IQSEC1: variants seen among roughly 807,000 people sequenced by gnomAD.
IQSEC1 encodes IQ motif and SEC7 domain-containing protein 1.
Under a neutral mutation model 91.0 loss-of-function variants are expected in IQSEC1, and 31 were observed. The ratio of observed to expected loss-of-function variants is 0.34; its 90% confidence interval spans 0.26 to 0.46. The LOEUF is 0.46. Ranked by LOEUF, IQSEC1 falls within the 20% of genes least tolerant of loss-of-function variation. IQSEC1 has a pLI of 1.00. For missense variants in IQSEC1, 1,388 were observed against 1,575.6 expected (o/e 0.88, Z 2.02); for synonymous variants, 699 against 662.6 (o/e 1.05, Z -0.84).
Position 12,901,649 on chromosome 3 carries a change from G to C in IQSEC1, c.2806-127C>G, listed in dbSNP as rs1694322015. 24 of 805,410 alleles carry C rather than the reference G, an allele frequency of 3.0e-5. 1 individual carries two copies. The South Asian group carries it at 3.7e-4, about 12-fold the overall frequency. The allele number at this position is 805,410 out of a possible 1,614,324, so 49.9% of individuals were successfully genotyped here. ...AAGCTTTAGTTCAACTCACTGGCCAGAGGGTGGGGCTCAGTGAGGCTGGAC... is the reference window on the plus strand; with the variant it reads ...AAGCTTTAGTTCAACTCACTGGCCACAGGGTGGGGCTCAGTGAGGCTGGAC... On this transcript the variant is annotated intron_variant, in intron 13 of 13. Coordinates refer to ENST00000613206, the MANE Select transcript of IQSEC1 (RefSeq NM_001134382.3).
intron 9 of IQSEC1, among the ~76,000 whole-genome samples, chr3:12,912,914 C>A (rs1695709051): frequency 6.6e-6 from 1 of 152,182 alleles, no homozygotes; most frequent in Non-Finnish European, 1.5e-5. Context: ...CAGCTCAGGG[C>A]TCCAGGAGGT....
chr3:13,054,682 G>C (rs1024788423), intron 1 of IQSEC1, among the ~76,000 whole-genome samples: 17 of 152,212 alleles, frequency 1.1e-4, no homozygotes, highest in African/African-American at 4.1e-4. Context: ...CTGAGGCGCA[G>C]AGAAGTGAAG....
intron 2 of IQSEC1, among the ~76,000 whole-genome samples, chr3:13,117,362 G>T (rs144206174): frequency 6.6e-6 from 1 of 150,568 alleles, no homozygotes; most frequent in Admixed American, 6.6e-5. Flanking sequence ...GGAGGCGGGC[G>T]GATCACGAGG....
chr3:13,101,106 G>A (rs1706050011), intron 2 of IQSEC1, among the ~76,000 whole-genome samples: 1 of 152,206 alleles, frequency 6.6e-6, no homozygotes, highest in Non-Finnish European at 1.5e-5. Flanking sequence ...TGAGGGGAGT[G>A]TGGATTTTCT....
At chr3:12,951,871 G>A (rs1022807640) in intron 1 of IQSEC1, among the ~76,000 whole-genome samples, 3 of 152,182 alleles carry the variant, frequency 2.0e-5, no homozygotes, top group African/African-American at 7.2e-5. Flanking sequence ...AGGAGCACAC[G>A]TAATGGGCAC....
At chr3:13,092,777 C>G (rs967207572) in intron 2 of IQSEC1, among the ~76,000 whole-genome samples, 5 of 152,198 alleles carry the variant, frequency 3.3e-5, no homozygotes, top group Admixed American at 3.3e-4. Context: ...GCTCTCTGGC[C>G]CCACCCACCT....
chr3:13,199,887 CCACACA>C (rs1263033318), intron 1 of IQSEC1, among the ~76,000 whole-genome samples: 1 of 150,812 alleles, frequency 6.6e-6, no homozygotes, highest in African/African-American at 2.4e-5. Flanking sequence ...CACACACACA[CCACACA>C]CACACACAAC....
intron 2 of IQSEC1, among the ~76,000 whole-genome samples, chr3:13,145,870 C>T (rs1386803014): frequency 2.0e-5 from 3 of 148,956 alleles, no homozygotes; most frequent in African/African-American, 7.4e-5. Flanking sequence ...ACTGGGGTGA[C>T]ATTCTGTCCT....
chr3:13,032,774 C>T (rs1189288347), intron 1 of IQSEC1, among the ~76,000 whole-genome samples: 3 of 152,064 alleles, frequency 2.0e-5, no homozygotes, highest in Non-Finnish European at 2.9e-5. Flanking sequence ...TTAATAGAGA[C>T]GGGGTTTCAC....
At position 12,983,016 on chromosome 3, in the gene IQSEC1, T is replaced by G. The variant is rs1055377435; in HGVS notation, c.24-41151A>C. Among the ~76,000 whole-genome samples, 2 of 152,248 alleles carry G rather than the reference T, an allele frequency of 1.3e-5. No individual in the cohort carries two copies. The highest frequency in any genetic ancestry group is 2.9e-5 in the Non-Finnish European group (2 of 68,040). ...CAACCTTCAGCAAGGTACAGCTGTC[T>G]GCCCTCTCTGGGTGCTTGTGCGTGG... On this transcript the variant is annotated intron_variant, in intron 1 of 13. Transcript: ENST00000613206. The surrounding 1 kb of genome is among the most constrained non-coding windows in gnomAD (Gnocchi z 4.3).
At chr3:13,121,872 C>T (rs1395605498) in intron 2 of IQSEC1, among the ~76,000 whole-genome samples, 3 of 152,174 alleles carry the variant, frequency 2.0e-5, no homozygotes, top group Non-Finnish European at 4.4e-5. Context: ...ACCAGAGCAC[C>T]GTCCTACGGA....
intron 6 of IQSEC1, among the ~76,000 whole-genome samples, chr3:12,916,598 G>A (rs1264274884): frequency 6.6e-6 from 1 of 152,200 alleles, no homozygotes; most frequent in Non-Finnish European, 1.5e-5. Context: ...CTCCAACCCG[G>A]GGTAGGCAAC....
intron 2 of IQSEC1, among the ~76,000 whole-genome samples, chr3:13,113,319 T>C (rs1576256031): frequency 6.6e-6 from 1 of 152,206 alleles, no homozygotes; most frequent in South Asian, 2.1e-4. Flanking sequence ...AGGCAGCAGG[T>C]AAACACATAG....
chr3:13,259,549 C>T lies in IQSEC1; in HGVS notation c.272+23162G>A, dbSNP rs965391161. 7.9e-5 allele frequency among the ~76,000 whole-genome samples: 12 copies of T among 152,234 alleles called. No individual in the cohort carries two copies. The highest frequency in any genetic ancestry group is 2.0e-4 in the Admixed American group (3 of 15,286). On this transcript the variant is annotated intron_variant, in intron 1 of 15. Transcript: ENST00000648114. This position sits in a 1 kb window ranked among gnomAD's most constrained non-coding sequence, Gnocchi z 4.6. ...AGCCGACTCCCCAAGGCCTTCGAGG[C>T]GGGCTGATGGATGCAGTGTTTAAGC...
chr3:13,098,999 G>T (rs375260909), intron 2 of IQSEC1, among the ~76,000 whole-genome samples: 1 of 152,340 alleles, frequency 6.6e-6, no homozygotes, highest in African/African-American at 2.4e-5. Flanking sequence ...GTCAGGTAGC[G>T]ATCAGTTCCA....
chr3:12,944,937 C>T (rs1025734490), intron 1 of IQSEC1, among the ~76,000 whole-genome samples: 3 of 152,216 alleles, frequency 2.0e-5, no homozygotes, highest in Middle Eastern at 3.2e-3. Context: ...AGGAATTCCA[C>T]CCTTCACCAA....
At chr3:13,192,519 C>G (rs1044002637) in intron 1 of IQSEC1, among the ~76,000 whole-genome samples, 1 of 152,208 alleles carries the variant, frequency 6.6e-6, no homozygotes, top group Admixed American at 6.5e-5. Flanking sequence ...GACAGCCCTG[C>G]GGAGGTGGAG....
At chr3:13,088,352 G>A (rs1705776658) in intron 2 of IQSEC1, among the ~76,000 whole-genome samples, 3 of 152,136 alleles carry the variant, frequency 2.0e-5, no homozygotes, top group Non-Finnish European at 1.5e-5. Flanking sequence ...CTGCAGGGCT[G>A]AGGTCCAGAT....
chr3:13,168,464 T>C (rs967946966), intron 1 of IQSEC1, among the ~76,000 whole-genome samples: 3 of 152,164 alleles, frequency 2.0e-5, no homozygotes, highest in Non-Finnish European at 4.4e-5. Context: ...CTCAGGGGCC[T>C]CATCCATGAG....
Sources: gnomAD v4.1 joint callset for allele counts (sites outside exome capture counted in the v4.1 genomes callset) on GRCh38, gnomAD v4.1.1 for gene constraint, Gnocchi (gnomAD v3.1) non-coding constraint, MANE v1.5 for transcripts, NCBI Gene and HGNC (gene_info 2026-07-23, HGNC 2026-07-21) for gene names.